Variants in RANBP2 observed in about 807,000 individuals in gnomAD.
RANBP2 encodes E3 SUMO-protein ligase RanBP2.
Under a neutral mutation model 303.6 loss-of-function variants are expected in RANBP2, and 57 were observed. The ratio of observed to expected loss-of-function variants is 0.19; its 90% CI spans 0.15 to 0.23. The LOEUF (loss-of-function observed/expected upper bound fraction) is 0.23, where lower values mean the gene tolerates loss of function less well. RANBP2 is among the 10% of genes least tolerant of loss of function. The pLI, the probability that RANBP2 is intolerant of heterozygous loss-of-function variation, is 1.00. For synonymous variants in RANBP2, 1,167 were observed against 1,301.5 expected (o/e 0.90, Z 2.23); for missense variants, 3,138 against 3,780.8 (o/e 0.83, Z 4.46).
At chr2:108,971,921 G>C in the RANBP2 span, among the ~76,000 whole-genome samples, 2 of 152,210 alleles carry the variant, frequency 1.3e-5, no homozygotes, top group African/African-American at 2.4e-5. Flanking sequence ...GCTGTGCCGT[G>C]GCTGCTGCTC....
chr2:109,699,566 G>T, the RANBP2 span, among the ~76,000 whole-genome samples: 1 of 151,072 alleles, frequency 6.6e-6, no homozygotes, highest in South Asian at 2.1e-4. Flanking sequence ...TCATAAGGAA[G>T]AGAAAATATA....
chr2:108,866,861 C>T, the RANBP2 span, among the ~76,000 whole-genome samples: 3 of 149,778 alleles, frequency 2.0e-5, no homozygotes, highest in African/African-American at 7.4e-5. Flanking sequence ...CCAGCCTGGG[C>T]GACAGAGTAA....
chr2:109,596,922 TTTC>T, the RANBP2 span, among the ~76,000 whole-genome samples: 10 of 152,196 alleles, frequency 6.6e-5, no homozygotes, highest in African/African-American at 2.2e-4. Context: ...TGGAAAAGAT[TTTC>T]TTAATTTTTT....
chr2:108,881,191 G>A, the RANBP2 span, among the ~76,000 whole-genome samples: 7 of 152,188 alleles, frequency 4.6e-5, no homozygotes, highest in Non-Finnish European at 1.0e-4. Flanking sequence ...CCTCAGTCTT[G>A]TGGAGAACTT....
At chr2:109,196,926 A>G in the RANBP2 span, among the ~76,000 whole-genome samples, 5 of 152,194 alleles carry the variant, frequency 3.3e-5, no homozygotes, top group Admixed American at 6.5e-5. Flanking sequence ...CTTGCTGAGT[A>G]GTGCGAAGGC....
chr2:109,536,549 C>T, the RANBP2 span, among the ~76,000 whole-genome samples: 61 of 152,300 alleles, frequency 4.0e-4, no homozygotes, highest in Non-Finnish European at 7.5e-4. Context: ...TTTACAGGCT[C>T]ATAGGTGGAA....
At chr2:109,617,682 C>T in the RANBP2 span, 1 of 166,928 alleles carries the variant, frequency 6.0e-6, no homozygotes, top group South Asian at 2.1e-4. Flanking sequence ...ATTTGTAACA[C>T]TTTGGTCACA....
chr2:109,616,964 A>G, the RANBP2 span: 6 of 166,908 alleles, frequency 3.6e-5, no homozygotes, highest in African/African-American at 1.4e-4. Context: ...CCATTGTTCT[A>G]TTTGGCATAA....
chr2:108,890,689 C>T, the RANBP2 span, among the ~76,000 whole-genome samples: 3 of 152,088 alleles, frequency 2.0e-5, no homozygotes, highest in African/African-American at 7.2e-5. Context: ...CACTGAGTCT[C>T]CTGTATTTGA....
At chr2:109,084,900 G>C in the RANBP2 span, among the ~76,000 whole-genome samples, 1 of 152,210 alleles carries the variant, frequency 6.6e-6, no homozygotes. Context: ...GTTAGTTGCA[G>C]AGGGAATTTA....
chr2:109,360,854 G>A, the RANBP2 span, among the ~76,000 whole-genome samples: 3 of 152,148 alleles, frequency 2.0e-5, no homozygotes, highest in African/African-American at 7.2e-5. Flanking sequence ...TTAGTATGAT[G>A]TTAAAAAGCA....
chr2:108,831,649 C>T, the RANBP2 span, among the ~76,000 whole-genome samples: 1 of 151,724 alleles, frequency 6.6e-6, no homozygotes, highest in African/African-American at 2.4e-5. Flanking sequence ...AACTCAGGTT[C>T]CTAGGTTCTA....
chr2:109,347,484 G>C, the RANBP2 span, among the ~76,000 whole-genome samples: 1 of 152,156 alleles, frequency 6.6e-6, no homozygotes, highest in East Asian at 1.9e-4. Flanking sequence ...TCTTATCTCA[G>C]TGGCGCCTCA....
chr2:108,878,357 A>G, the RANBP2 span: 2 of 209,152 alleles, frequency 9.6e-6, no homozygotes, highest in Non-Finnish European at 2.0e-5. Flanking sequence ...GCCAAGAAAC[A>G]AAAGCAAAAT....
At chr2:108,991,925 G>A in the RANBP2 span, among the ~76,000 whole-genome samples, 1 of 152,010 alleles carries the variant, frequency 6.6e-6, no homozygotes, top group Non-Finnish European at 1.5e-5. Context: ...TCAGCCTCCC[G>A]AGGAGCTGGG....
the RANBP2 span, among the ~76,000 whole-genome samples, chr2:109,450,270 C>T: frequency 2.0e-5 from 3 of 151,776 alleles, no homozygotes; most frequent in Admixed American, 6.6e-5. Flanking sequence ...CACTGGAAAC[C>T]GGGGGGCAGA....
chr2:109,576,073 A>G, the RANBP2 span, among the ~76,000 whole-genome samples: 1 of 152,052 alleles, frequency 6.6e-6, no homozygotes, highest in African/African-American at 2.4e-5. Context: ...CCTGGACAAC[A>G]ACACAGCGAG....
the RANBP2 span, among the ~76,000 whole-genome samples, chr2:109,318,099 G>A: frequency 1.3e-4 from 13 of 96,914 alleles, no homozygotes; most frequent in South Asian, 6.1e-4. Context: ...ATTTCAGTAC[G>A]CAAAAAAAAA....
chr2:109,016,006 A>G, the RANBP2 span, among the ~76,000 whole-genome samples: 18 of 152,338 alleles, frequency 1.2e-4, no homozygotes, highest in Middle Eastern at 3.4e-3. Flanking sequence ...CACATGGGGC[A>G]TCTTAAACTG....
Sources: allele counts gnomAD v4.1 joint callset (sites outside exome capture counted in the v4.1 genomes callset), GRCh38; gene constraint gnomAD v4.1.1; transcripts MANE v1.5; gene names NCBI Gene and HGNC (gene_info 2026-07-23, HGNC 2026-07-21).